The following NCKAP5 variants were observed in gnomAD, a reference collection of about 807,000 sequenced individuals.
NCKAP5 encodes nck-associated protein 5.
NCKAP5 carries 92 observed loss-of-function variants against 167.0 expected under a neutral mutation model. The observed-to-expected ratio is 0.55, with a 90% confidence interval of 0.47 to 0.66. NCKAP5 has a LOEUF of 0.66. Ranked by LOEUF, NCKAP5 falls within the 30% of genes least tolerant of loss-of-function variation. NCKAP5 has a pLI of 0.00. For missense variants in NCKAP5, 2,378 were observed against 2,315.0 expected (o/e 1.03, Z -0.56); for synonymous variants, 891 against 877.4 (o/e 1.02, Z -0.27).
At chr2:133,633,425 CCCT>C in the NCKAP5 span, among the ~76,000 whole-genome samples, 6 of 152,264 alleles carry the variant, frequency 3.9e-5, no homozygotes, top group East Asian at 1.2e-3. Context: ...CAGATGTGCT[CCCT>C]CAACTGCAGG....
At chr2:133,290,827 C>T (rs1679541757) in intron 4 of NCKAP5, among the ~76,000 whole-genome samples, 1 of 147,864 alleles carries the variant, frequency 6.8e-6, no homozygotes, top group Non-Finnish European at 1.5e-5. Context: ...GAACAAAGCT[C>T]ACTGCAGCCT....
chr2:133,183,736 A>G (rs1215753370), intron 5 of NCKAP5, among the ~76,000 whole-genome samples: 1 of 152,172 alleles, frequency 6.6e-6, no homozygotes, highest in Non-Finnish European at 1.5e-5. Context: ...AGCCATTGCA[A>G]TCAGGCAAGA....
intron 5 of NCKAP5, among the ~76,000 whole-genome samples, chr2:133,140,403 A>G (rs1395087680): frequency 6.6e-6 from 1 of 152,160 alleles, no homozygotes; most frequent in Admixed American, 6.6e-5. Flanking sequence ...GTACTCCACA[A>G]CAATCGGTGA....
At chr2:133,516,667 T>A (rs1293596523) in intron 3 of NCKAP5, among the ~76,000 whole-genome samples, 1 of 152,220 alleles carries the variant, frequency 6.6e-6, no homozygotes, top group African/African-American at 2.4e-5. Context: ...CCCACTCTGC[T>A]AGACTCCAGG....
chr2:133,434,698 A>G (rs750746726), intron 3 of NCKAP5, among the ~76,000 whole-genome samples: 3 of 152,254 alleles, frequency 2.0e-5, no homozygotes, highest in Non-Finnish European at 4.4e-5. Context: ...ATAAAACTGT[A>G]CTGCCCAGTA....
In NCKAP5 at chr2:132,817,746, C is replaced by G. The variant is rs549231061; in HGVS notation, c.808-21017G>C. On this transcript the variant is annotated intron_variant, in intron 11 of 19. Transcript: ENST00000409261. ...GTAGCTCTACATAAAGGAGGAGTAA[C>G]AAAGCCTCCAACACTGCTTCACCCA... Among the ~76,000 whole-genome samples, 186 of 152,252 alleles carry G rather than the reference C, an allele frequency of 1.2e-3. 2 individuals are homozygous for G. The highest frequency in any genetic ancestry group is 3.1e-3 in the South Asian group (15 of 4,818).
intron 6 of NCKAP5, among the ~76,000 whole-genome samples, chr2:133,121,817 G>A (rs1022271912): frequency 3.3e-5 from 5 of 152,090 alleles, no homozygotes; most frequent in African/African-American, 9.7e-5. Context: ...CACTCAAAAC[G>A]GGAGGGAATC....
intron 3 of NCKAP5, among the ~76,000 whole-genome samples, chr2:133,378,631 A>G (rs528484655): frequency 9.8e-5 from 15 of 152,292 alleles, no homozygotes; most frequent in Admixed American, 4.6e-4. Flanking sequence ...ACAGCCAGGG[A>G]AAGGGTATTG....
chr2:132,851,318 TC>T (rs1689060747), intron 11 of NCKAP5, among the ~76,000 whole-genome samples: 1 of 152,194 alleles, frequency 6.6e-6, no homozygotes. Context: ...GTGGGGTGTG[TC>T]TTTTTGCCTT....
Position 133,523,300 on chromosome 2 carries a change from T to TCACACA in NCKAP5, c.-61-5719_-61-5714dup, listed in dbSNP as rs57259165. 1.2e-3 allele frequency among the ~76,000 whole-genome samples: 179 copies of TCACACA among 145,816 alleles called. 1 individual carries two copies. Among genetic ancestry groups the TCACACA allele is most frequent in the Admixed American group, 5.1e-3 (74 of 14,492 alleles). ...GGCATATCCCCTCACATACACACAG[T>TCACACA]CACACACACACACACACACACACAC... On this transcript the variant is annotated intron_variant, in intron 2 of 19. Coordinates refer to ENST00000409261, the MANE Select transcript of NCKAP5 (RefSeq NM_207363.3).
At chr2:133,298,148 C>T (rs1272844940) in intron 4 of NCKAP5, among the ~76,000 whole-genome samples, 3 of 152,154 alleles carry the variant, frequency 2.0e-5, no homozygotes, top group Non-Finnish European at 4.4e-5. Context: ...CATCATAAAG[C>T]CTGTCACTTT....
intron 10 of NCKAP5, among the ~76,000 whole-genome samples, chr2:132,862,344 T>C (rs1430286098): frequency 6.6e-6 from 1 of 152,232 alleles, no homozygotes; most frequent in Non-Finnish European, 1.5e-5. Context: ...CTCCTTGCCT[T>C]TTTTAGTTAA....
At chr2:133,245,328 GGTAA>G (rs1643569711) in intron 4 of NCKAP5, among the ~76,000 whole-genome samples, 1 of 151,970 alleles carries the variant, frequency 6.6e-6, no homozygotes, top group Admixed American at 6.6e-5. Flanking sequence ...CAATGATATA[GGTAA>G]GTATCACGAA....
intron 11 of NCKAP5, among the ~76,000 whole-genome samples, chr2:132,798,784 G>A (rs1372429687): frequency 3.9e-5 from 6 of 152,274 alleles, no homozygotes; most frequent in African/African-American, 7.2e-5. Context: ...GAAGGTACAC[G>A]TTCTACAGGA....
intron 5 of NCKAP5, among the ~76,000 whole-genome samples, chr2:133,195,885 T>C (rs149167229): frequency 5.8e-4 from 88 of 151,730 alleles, no homozygotes; most frequent in African/African-American, 2.0e-3. Context: ...ACTGATAGAG[T>C]CAAGATTATA....
chr2:132,797,467 G>T (rs1684698981), intron 11 of NCKAP5, among the ~76,000 whole-genome samples: 1 of 152,098 alleles, frequency 6.6e-6, no homozygotes, highest in African/African-American at 2.4e-5. Flanking sequence ...TACAATAAAA[G>T]TCGTGATTTA....
At chr2:132,941,453 A>C (rs1057084597) in intron 8 of NCKAP5, among the ~76,000 whole-genome samples, 1 of 146,476 alleles carries the variant, frequency 6.8e-6, no homozygotes, top group African/African-American at 2.5e-5. Flanking sequence ...TTATCCAATG[A>C]GAGTGAGCCC....
At chr2:133,196,932 G>A (rs2085461225) in intron 5 of NCKAP5, among the ~76,000 whole-genome samples, 1 of 152,182 alleles carries the variant, frequency 6.6e-6, no homozygotes, top group Non-Finnish European at 1.5e-5. Context: ...AAGCTCTGAA[G>A]GAGGGGGACC....
At chr2:133,489,152 A>C (rs1412011963) in intron 3 of NCKAP5, among the ~76,000 whole-genome samples, 1 of 152,062 alleles carries the variant, frequency 6.6e-6, no homozygotes, top group Non-Finnish European at 1.5e-5. Flanking sequence ...TCTCATAGGA[A>C]GATAAGATGT....
Sources: gnomAD v4.1 joint callset for allele counts (sites outside exome capture counted in the v4.1 genomes callset) on GRCh38, gnomAD v4.1.1 for gene constraint, MANE v1.5 for transcripts, NCBI Gene and HGNC (gene_info 2026-07-23, HGNC 2026-07-21) for gene names.